ZFYVE9: variants seen among roughly 807,000 people sequenced by gnomAD.
ZFYVE9 encodes zinc finger FYVE domain-containing protein 9.
In ZFYVE9, 43 loss-of-function variants were observed where a neutral mutation model predicts 126.7. That is an observed-to-expected ratio of 0.34 (90% CI 0.27 to 0.44). ZFYVE9 has a LOEUF of 0.44. Ranked by LOEUF, ZFYVE9 falls within the 20% of genes least tolerant of loss-of-function variation. ZFYVE9 has a pLI of 1.00. For synonymous variants in ZFYVE9, 521 were observed against 597.4 expected (o/e 0.87, Z 1.87); for missense variants, 1,476 against 1,697.0 (o/e 0.87, Z 2.29).
intron 3 of ZFYVE9, among the ~76,000 whole-genome samples, chr1:52,234,065 G>A (rs1267382425): frequency 6.6e-6 from 1 of 152,176 alleles, no homozygotes; most frequent in African/African-American, 2.4e-5. Context: ...ATAGGCATGA[G>A]CCACCACGCC....
At chr1:52,236,382 T>A (rs944289842) in intron 3 of ZFYVE9, among the ~76,000 whole-genome samples, 1 of 152,170 alleles carries the variant, frequency 6.6e-6, no homozygotes, top group Non-Finnish European at 1.5e-5. Context: ...AATGCCTTAA[T>A]AAAGTTTTGA....
At chr1:52,197,812 G>A (rs545415623) in intron 1 of ZFYVE9, among the ~76,000 whole-genome samples, 1 of 152,330 alleles carries the variant, frequency 6.6e-6, no homozygotes, top group Admixed American at 6.5e-5. Flanking sequence ...GAGAGCATAA[G>A]TAGAAGGTGG....
intron 2 of ZFYVE9, among the ~76,000 whole-genome samples, chr1:52,225,101 G>GATCCCA (rs572196835): frequency 7.2e-5 from 11 of 152,150 alleles, no homozygotes; most frequent in Non-Finnish European, 1.5e-4. Context: ...AACCTACAGA[G>GATCCCA]ATCCCAACCA....
intron 13 of ZFYVE9, among the ~76,000 whole-genome samples, chr1:52,319,003 G>A (rs1646213156): frequency 1.3e-5 from 2 of 152,100 alleles, no homozygotes; most frequent in Admixed American, 1.3e-4. Context: ...AGGCTGAGGT[G>A]GGAGGATCAC....
chr1:52,170,454 TTTC>T (rs1358616688), intron 1 of ZFYVE9, among the ~76,000 whole-genome samples: 7 of 152,146 alleles, frequency 4.6e-5, no homozygotes, highest in Admixed American at 3.9e-4. Flanking sequence ...TTCAAATTCA[TTTC>T]TTTTTTCCTT....
At chr1:52,242,292 A>G (rs1645342511) in intron 4 of ZFYVE9, among the ~76,000 whole-genome samples, 1 of 152,144 alleles carries the variant, frequency 6.6e-6, no homozygotes, top group Non-Finnish European at 1.5e-5. Flanking sequence ...TTGGCCTCCC[A>G]AAGTGCTGGG....
chr1:52,203,221 G>T (rs1000386913), intron 1 of ZFYVE9, among the ~76,000 whole-genome samples: 1 of 149,876 alleles, frequency 6.7e-6, no homozygotes, highest in Non-Finnish European at 1.5e-5. Context: ...TCACTCTTTT[G>T]CCCAGACTGG....
chr1:52,286,028 C>T lies in ZFYVE9; in HGVS notation c.3025+4212C>T, dbSNP rs758384873. Among the ~76,000 whole-genome samples the T allele has an allele frequency of 5.3e-5, 8 of 152,030 alleles. No homozygotes were observed. In the Middle Eastern group the frequency reaches 0.01, roughly 194 times the overall value. The stretch of plus-strand genomic sequence containing the variant: ...AAAATTAGCCGGGTGTGATGGTGGG[C>T]GCCTGTCATCCCAGCTACTTGGGAG... On this transcript the variant is annotated intron_variant, in intron 10 of 18. Transcript: ENST00000287727.
At chr1:52,180,088 C>G (rs566185170) in intron 1 of ZFYVE9, 2 of 893,410 alleles carry the variant, frequency 2.2e-6, no homozygotes, top group Admixed American at 1.7e-5. Context: ...TGGAAAGCAA[C>G]TAAATTGAAG....
At chr1:52,165,340 C>T (rs1644502973) in intron 1 of ZFYVE9, among the ~76,000 whole-genome samples, 1 of 152,026 alleles carries the variant, frequency 6.6e-6, no homozygotes, top group African/African-American at 2.4e-5. Context: ...AGAAAGAGAT[C>T]ACTAGAAAAA....
At chr1:52,163,230 C>T (rs1644479784) in intron 1 of ZFYVE9, among the ~76,000 whole-genome samples, 2 of 152,158 alleles carry the variant, frequency 1.3e-5, no homozygotes, top group Admixed American at 6.5e-5. Flanking sequence ...CCTTCTTTTA[C>T]CTTGATTTAT....
At chr1:52,283,559 A>G (rs1645825251) in intron 10 of ZFYVE9, among the ~76,000 whole-genome samples, 2 of 152,256 alleles carry the variant, frequency 1.3e-5, no homozygotes, top group Non-Finnish European at 2.9e-5. Context: ...ACACAACAAC[A>G]TGCATGAATC....
intron 13 of ZFYVE9, among the ~76,000 whole-genome samples, chr1:52,305,573 G>A (rs1022381068): frequency 9.9e-5 from 15 of 152,164 alleles, no homozygotes; most frequent in African/African-American, 3.6e-4. Flanking sequence ...TGCATACTCC[G>A]TGGAGCCTGT....
chr1:52,164,685 A>G (rs1644496969), intron 1 of ZFYVE9, among the ~76,000 whole-genome samples: 1 of 152,078 alleles, frequency 6.6e-6, no homozygotes, highest in African/African-American at 2.4e-5. Flanking sequence ...TCCTTTGCAG[A>G]CATGCACTAG....
chr1:52,286,340 T>C (rs1004383908), intron 10 of ZFYVE9, among the ~76,000 whole-genome samples: 2 of 152,232 alleles, frequency 1.3e-5, no homozygotes, highest in African/African-American at 4.8e-5. Context: ...TGAACTTTTT[T>C]ATAACTTCCT....
chr1:52,159,719 T>C (rs889520559), intron 1 of ZFYVE9, among the ~76,000 whole-genome samples: 1 of 152,218 alleles, frequency 6.6e-6, no homozygotes, highest in African/African-American at 2.4e-5. Context: ...TAAAGGTTGA[T>C]ATAAGCGACA....
Position 52,206,595 on chromosome 1 carries a change from G to C in ZFYVE9, c.-142-9774G>C, listed in dbSNP as rs576327679. On this transcript the variant is annotated intron_variant, in intron 1 of 18. Coordinates refer to ENST00000287727, the MANE Select transcript of ZFYVE9 (RefSeq NM_004799.4). ...CAGTCTCGTGGTGTCACCCAGGCTG[G>C]AGTGCAGTGGCATGATCTCGGCTCG... Among the ~76,000 whole-genome samples the C allele has an allele frequency of 1.2e-4, 18 of 152,228 alleles. No individual in the cohort carries two copies. The East Asian group carries it at 3.1e-3, about 26-fold the overall frequency.
At chr1:52,153,123 G>C (rs1297499227) in intron 1 of ZFYVE9, among the ~76,000 whole-genome samples, 2 of 152,218 alleles carry the variant, frequency 1.3e-5, no homozygotes, top group African/African-American at 2.4e-5. Flanking sequence ...GGGAAGCTGA[G>C]ATGAATTCTG....
chr1:52,325,432 G>T (rs764932746), intron 13 of ZFYVE9, among the ~76,000 whole-genome samples: 1 of 152,086 alleles, frequency 6.6e-6, no homozygotes, highest in African/African-American at 2.4e-5. Context: ...AGGTGGGAGG[G>T]TCACCTGAGC....
Sources: gnomAD v4.1 joint callset for allele counts (sites outside exome capture counted in the v4.1 genomes callset) on GRCh38, gnomAD v4.1.1 for gene constraint, MANE v1.5 for transcripts, NCBI Gene and HGNC (gene_info 2026-07-23, HGNC 2026-07-21) for gene names.